OPCML: variants seen among roughly 807,000 people sequenced by gnomAD.
OPCML encodes opioid-binding protein/cell adhesion molecule.
OPCML carries 13 observed loss-of-function variants against 37.8 expected under a neutral mutation model. The ratio of observed to expected loss-of-function variants is 0.34; its 90% CI spans 0.22 to 0.55. The LOEUF is 0.55. OPCML is among the 20% of genes least tolerant of loss of function. OPCML has a pLI of 0.91. For missense variants in OPCML, 341 were observed against 435.6 expected, an observed-to-expected ratio of 0.78 and a Z score of 1.93; for synonymous variants, 176 against 168.8, an observed-to-expected ratio of 1.04 and a Z score of -0.33.
chr11:133,530,385 G>A (rs754321187), intron 1 of OPCML, among the ~76,000 whole-genome samples: 43 of 152,230 alleles, frequency 2.8e-4, no homozygotes, highest in Non-Finnish European at 4.8e-4. Flanking sequence ...CATAAGGGGC[G>A]CATCCATACA....
At chr11:133,249,857 G>A (rs1941067187) in intron 1 of OPCML, among the ~76,000 whole-genome samples, 1 of 152,174 alleles carries the variant, frequency 6.6e-6, no homozygotes, top group Non-Finnish European at 1.5e-5. Flanking sequence ...CCAACAGCCT[G>A]AGCACATCTT....
chr11:132,948,640 C>T (rs890481547), intron 1 of OPCML, among the ~76,000 whole-genome samples: 1 of 151,966 alleles, frequency 6.6e-6, no homozygotes, highest in African/African-American at 2.4e-5. Context: ...TTAGCAAGAC[C>T]TAGGATATCA....
chr11:132,664,261 G>GT lies in OPCML; in HGVS notation c.147-6943dup, dbSNP rs144541101. On this transcript the variant is annotated intron_variant, in intron 2 of 7. Transcript: ENST00000524381. ...AGTTTTATGATTGCACATATATAAA[G>GT]TTTTTTTTTAATAGTTACCACTGGA... is the stretch of plus-strand genomic sequence containing the variant. 8.3e-3 allele frequency among the ~76,000 whole-genome samples: 1,263 copies of GT among 151,552 alleles called. 22 individuals are homozygous for GT. The highest frequency in any genetic ancestry group is 0.029 in the African/African-American group (1,192 of 41,328).
intron 1 of OPCML, among the ~76,000 whole-genome samples, chr11:133,436,640 T>C (rs1946239296): frequency 6.6e-6 from 1 of 152,142 alleles, no homozygotes; most frequent in Admixed American, 6.5e-5. Context: ...ACTGTAAAAA[T>C]GAAAGAGCAT....
At chr11:132,733,756 AGT>A (rs1945162656) in intron 2 of OPCML, among the ~76,000 whole-genome samples, 1 of 152,202 alleles carries the variant, frequency 6.6e-6, no homozygotes, top group Non-Finnish European at 1.5e-5. Flanking sequence ...AAGAGAGAAA[AGT>A]GTGCTGAGAA....
intron 3 of OPCML, among the ~76,000 whole-genome samples, chr11:132,588,246 T>A (rs543226466): frequency 5.3e-5 from 8 of 152,080 alleles, no homozygotes; most frequent in Non-Finnish European, 1.2e-4. Context: ...CATGTCCGGT[T>A]TTAATAGTAA....
intron 1 of OPCML, among the ~76,000 whole-genome samples, chr11:133,086,455 A>G (rs1948819880): frequency 6.6e-6 from 1 of 152,238 alleles, no homozygotes; most frequent in Non-Finnish European, 1.5e-5. Context: ...AGTTTGCAAT[A>G]AAAAGTCAAT....
At chr11:132,682,614 G>C (rs1025888840) in intron 2 of OPCML, among the ~76,000 whole-genome samples, 2 of 152,100 alleles carry the variant, frequency 1.3e-5, no homozygotes, top group Admixed American at 1.3e-4. Flanking sequence ...GTGCCCACAG[G>C]GCAATAAAGA....
At chr11:132,994,806 T>C (rs1367580690) in intron 1 of OPCML, among the ~76,000 whole-genome samples, 1 of 152,142 alleles carries the variant, frequency 6.6e-6, no homozygotes, top group Non-Finnish European at 1.5e-5. Context: ...GGACATATAA[T>C]CAAATGAATG....
At chr11:133,039,022 G>T (rs1006303198) in intron 1 of OPCML, among the ~76,000 whole-genome samples, 7 of 152,142 alleles carry the variant, frequency 4.6e-5, no homozygotes, top group Admixed American at 3.9e-4. Context: ...CAGTAAAGTG[G>T]CAAATGCCCC....
At chr11:132,557,857 T>C (rs1000710082) in intron 3 of OPCML, among the ~76,000 whole-genome samples, 14 of 152,214 alleles carry the variant, frequency 9.2e-5, no homozygotes, top group African/African-American at 3.4e-4. Flanking sequence ...CTGCAGAAGA[T>C]GCAACATTGT....
At chr11:133,137,257 T>G (rs186750426) in intron 1 of OPCML, among the ~76,000 whole-genome samples, 3 of 152,350 alleles carry the variant, frequency 2.0e-5, no homozygotes, top group Admixed American at 6.5e-5. Context: ...CTGCATTCAC[T>G]CTTTTGGAAG....
At chr11:133,338,363 G>C (rs1429946239) in intron 1 of OPCML, among the ~76,000 whole-genome samples, 1 of 152,176 alleles carries the variant, frequency 6.6e-6, no homozygotes, top group African/African-American at 2.4e-5. Context: ...TATTGACTGG[G>C]GCGGGGTGAA....
intron 1 of OPCML, among the ~76,000 whole-genome samples, chr11:133,466,925 G>C (rs886517067): frequency 6.6e-6 from 1 of 152,120 alleles, no homozygotes; most frequent in Non-Finnish European, 1.5e-5. Flanking sequence ...GCATATCCTC[G>C]GGTAGAGTTG....
chr11:132,880,066 T>C (rs1943169999), intron 2 of OPCML, among the ~76,000 whole-genome samples: 1 of 152,186 alleles, frequency 6.6e-6, no homozygotes, highest in Non-Finnish European at 1.5e-5. Context: ...TTTTCCTTAC[T>C]TCCTTTACTT....
intron 2 of OPCML, among the ~76,000 whole-genome samples, chr11:132,798,847 A>G (rs1329508008): frequency 6.6e-6 from 1 of 152,232 alleles, no homozygotes; most frequent in East Asian, 1.9e-4. Flanking sequence ...GTACATCTCC[A>G]TCAGAGCTCT....
chr11:132,661,507 T>C (rs767472093), intron 2 of OPCML, among the ~76,000 whole-genome samples: 3 of 152,178 alleles, frequency 2.0e-5, no homozygotes, highest in African/African-American at 7.2e-5. Context: ...TTGAGTGCTC[T>C]TCTAAACTCA....
intron 1 of OPCML, among the ~76,000 whole-genome samples, chr11:133,030,735 A>C (rs1947650077): frequency 2.0e-5 from 3 of 152,176 alleles, no homozygotes; most frequent in Non-Finnish European, 2.9e-5. Context: ...TTAAAAGGCT[A>C]TTTGGAGATG....
chr11:133,427,260 T>G (rs79421202), intron 1 of OPCML, among the ~76,000 whole-genome samples: 18,227 of 152,032 alleles, frequency 0.12, 1,504 homozygotes, highest in African/African-American at 0.21. Context: ...ACTGATCACA[T>G]TTTTTGACCA....
Sources: gnomAD v4.1 joint callset for allele counts (sites outside exome capture counted in the v4.1 genomes callset) on GRCh38, gnomAD v4.1.1 for gene constraint, MANE v1.5 for transcripts, NCBI Gene and HGNC (gene_info 2026-07-23, HGNC 2026-07-21) for gene names.